KLHL29: variants seen among roughly 807,000 people sequenced by gnomAD.
KLHL29 encodes the protein kelch-like protein 29.
KLHL29 carries 21 observed loss-of-function variants against 80.4 expected under a neutral mutation model. That is an observed-to-expected ratio of 0.26 (90% CI 0.19 to 0.38). The LOEUF is 0.38. Ranked by LOEUF, KLHL29 falls within the 10% of genes least tolerant of loss-of-function variation. The pLI is 1.00. For missense variants in KLHL29, 867 were observed against 1,223.9 expected (o/e 0.71, Z 4.35); for synonymous variants, 511 against 526.8 (o/e 0.97, Z 0.41).
At chr2:23,451,448 C>T (rs1663877312) in intron 1 of KLHL29, among the ~76,000 whole-genome samples, 2 of 152,216 alleles carry the variant, frequency 1.3e-5, no homozygotes, top group African/African-American at 4.8e-5. Flanking sequence ...GACAGCTCTT[C>T]CCATATGAAT....
rs964189415 is a variant in KLHL29 at position 23,706,819 on chromosome 2, A to G, written c.*155A>G. The G allele has an allele frequency of 1.1e-5, 6 of 567,714 alleles. No individual in the cohort carries two copies. The highest frequency in any genetic ancestry group is 7.7e-5 in the African/African-American group (4 of 51,832). The allele number at this position is 567,714 out of a possible 1,614,324, so 35.2% of individuals were successfully genotyped here. ...GTTGAATATTCTCTACATTGAATGT[A>G]GAAAATCATCCTCGCCTTTGGATGA... On this transcript the variant is annotated 3_prime_UTR_variant, in exon 14 of 14. Coordinates refer to ENST00000486442, the MANE Select transcript of KLHL29 (RefSeq NM_052920.2).
chr2:23,610,590 A>G (rs1054824465), intron 3 of KLHL29, among the ~76,000 whole-genome samples: 1 of 152,150 alleles, frequency 6.6e-6, no homozygotes, highest in Non-Finnish European at 1.5e-5. Flanking sequence ...TGAAATTTTC[A>G]GTTTCATCAG....
At chr2:23,639,014 T>C in intron 3 of KLHL29, 125 bp from the exon 4 acceptor site, 3 of 891,668 alleles carry the variant, frequency 3.4e-6, no homozygotes, top group Non-Finnish European at 4.9e-6. Context: ...TCTGACCCTG[T>C]ACTCAGTGGG....
chr2:23,526,706 G>A lies in KLHL29; in HGVS notation c.-45-35446G>A, dbSNP rs570325128. On this transcript the variant is annotated intron_variant, in intron 2 of 13. Coordinates refer to ENST00000486442, the MANE Select transcript of KLHL29 (RefSeq NM_052920.2). ...CACACCCAGCTCACAAGTCTCTAGCGTGGGGTGAGCTGGGGTTGGCTCCGT... is the reference window on the plus strand; with the variant it reads ...CACACCCAGCTCACAAGTCTCTAGCATGGGGTGAGCTGGGGTTGGCTCCGT... 5.9e-5 allele frequency among the ~76,000 whole-genome samples: 9 copies of A among 152,308 alleles called. No individual in the cohort carries two copies. In the East Asian group the frequency reaches 9.7e-4, roughly 16 times the overall value.
intron 5 of KLHL29, among the ~76,000 whole-genome samples, chr2:23,657,325 G>A (rs958797803): frequency 6.6e-6 from 1 of 152,160 alleles, no homozygotes; most frequent in Non-Finnish European, 1.5e-5. Context: ...ATCCTAAAAG[G>A]TCACAGTCCT....
intron 3 of KLHL29, among the ~76,000 whole-genome samples, chr2:23,593,199 T>G (rs1668312128): frequency 6.6e-6 from 1 of 152,222 alleles, no homozygotes; most frequent in African/African-American, 2.4e-5. Context: ...GTGCCTCCTC[T>G]GGTGGCTTGT....
intron 5 of KLHL29, among the ~76,000 whole-genome samples, chr2:23,646,516 G>T (rs547501494): frequency 6.6e-6 from 1 of 152,200 alleles, no homozygotes; most frequent in Non-Finnish European, 1.5e-5. Context: ...AGCAAAGCCC[G>T]TGTCAACCTG....
At chr2:23,514,833 G>T (rs1312176536) in intron 2 of KLHL29, among the ~76,000 whole-genome samples, 1 of 152,144 alleles carries the variant, frequency 6.6e-6, no homozygotes, top group Non-Finnish European at 1.5e-5. Flanking sequence ...GGCTTCAGTT[G>T]GTTCTTCCAC....
intron 3 of KLHL29, among the ~76,000 whole-genome samples, chr2:23,628,781 T>C (rs1669390531): frequency 6.6e-6 from 1 of 152,022 alleles, no homozygotes; most frequent in African/African-American, 2.4e-5. Context: ...AGGGGACTTT[T>C]CCTCACCAGC....
At chr2:23,483,502 T>G (rs1435588218) in intron 2 of KLHL29, among the ~76,000 whole-genome samples, 1 of 152,202 alleles carries the variant, frequency 6.6e-6, no homozygotes, top group Non-Finnish European at 1.5e-5. Context: ...AGAGCCACCC[T>G]CACAGCTAGG....
At position 23,479,999 on chromosome 2, in the gene KLHL29, A is replaced by G. The variant is rs113018202; in HGVS notation, c.-46+4332A>G. On this transcript the variant is annotated intron_variant, in intron 2 of 13. Coordinates refer to ENST00000486442, the MANE Select transcript of KLHL29 (RefSeq NM_052920.2). Reference sequence around the variant, plus strand: ...ACCTGGGATTGGAGGCAAGCTCTGGATTCTAGTCCCAAATCTACCTCTAAC... The same window carrying G: ...ACCTGGGATTGGAGGCAAGCTCTGGGTTCTAGTCCCAAATCTACCTCTAAC... 5.0e-3 allele frequency among the ~76,000 whole-genome samples: 756 copies of G among 152,298 alleles called. 14 individuals carry two copies. Among genetic ancestry groups the G allele is most frequent in the African/African-American group, 0.017 (703 of 41,554 alleles).
intron 2 of KLHL29, among the ~76,000 whole-genome samples, chr2:23,492,474 A>G (rs1351054727): frequency 2.6e-5 from 4 of 152,134 alleles, no homozygotes; most frequent in African/African-American, 9.7e-5. Flanking sequence ...GCCTCAGCTT[A>G]TTGGACGAGG....
At position 23,703,198 on chromosome 2, in the gene KLHL29, C is replaced by T. The variant is rs1438550154; in HGVS notation, c.2118C>T (p.Ile706=). 4.1e-6 allele frequency: 6 copies of T among 1,456,352 alleles called. No individual in the cohort carries two copies. In the South Asian group the frequency reaches 8.6e-5, roughly 21 times the overall value. 90.2% of individuals were successfully genotyped at this position (1,456,352 alleles called of 1,614,324 possible). A position where few individuals can be genotyped will look rare whatever the true frequency, so the allele number is the denominator to read the frequency against. The change falls in exon 12 of 14, where the codon ATC becomes ATT. Residue 706 remains isoleucine (I), a synonymous_variant. Coordinates refer to ENST00000486442, the MANE Select transcript of KLHL29 (RefSeq NM_052920.2). ...TCCTCTCCTGCAGGTACGACACCATCACCAACCAATGGGAGGCGGTGGCCC... is the reference window on the plus strand; with the variant it reads ...TCCTCTCCTGCAGGTACGACACCATTACCAACCAATGGGAGGCGGTGGCCC... ...NVDHVERYDT[I]TNQWEAVAPL...
chr2:23,444,101 T>C (rs980215002), intron 1 of KLHL29, among the ~76,000 whole-genome samples: 2 of 152,180 alleles, frequency 1.3e-5, no homozygotes, highest in Non-Finnish European at 2.9e-5. Flanking sequence ...ATTTTTATTG[T>C]TTCAGGCATA....
At chr2:23,500,595 G>A (rs1210578248) in intron 2 of KLHL29, among the ~76,000 whole-genome samples, 1 of 152,178 alleles carries the variant, frequency 6.6e-6, no homozygotes, top group Non-Finnish European at 1.5e-5. Context: ...ATGCATATGT[G>A]ATGGGCAACC....
chr2:23,579,953 C>T (rs940841072), intron 3 of KLHL29, among the ~76,000 whole-genome samples: 2 of 152,250 alleles, frequency 1.3e-5, no homozygotes, highest in African/African-American at 2.4e-5. Flanking sequence ...GAACTCTGGC[C>T]TTAAAGACAG....
intron 3 of KLHL29, among the ~76,000 whole-genome samples, chr2:23,582,723 G>A (rs1007033440): frequency 6.6e-6 from 1 of 152,134 alleles, no homozygotes; most frequent in Non-Finnish European, 1.5e-5. Context: ...GTGGTAAGGT[G>A]GGCCACTTCC....
At chr2:23,549,445 C>T (rs1667066315) in intron 2 of KLHL29, among the ~76,000 whole-genome samples, 1 of 152,082 alleles carries the variant, frequency 6.6e-6, no homozygotes. Context: ...ACAGGCTGCC[C>T]TCTGGTCTGG....
intron 1 of KLHL29, among the ~76,000 whole-genome samples, chr2:23,453,536 TG>T (rs1175533690): frequency 6.6e-6 from 1 of 152,134 alleles, no homozygotes; most frequent in African/African-American, 2.4e-5. Flanking sequence ...GGGAGTGCAG[TG>T]GGGGGACCTT....
Sources: allele counts gnomAD v4.1 joint callset (sites outside exome capture counted in the v4.1 genomes callset), GRCh38; gene constraint gnomAD v4.1.1; transcripts MANE v1.5; gene names NCBI Gene and HGNC (gene_info 2026-07-23, HGNC 2026-07-21).